ERC2: variants seen among roughly 807,000 people sequenced by gnomAD.
The protein encoded by ERC2 is ERC protein 2.
A neutral mutation model predicts 114.8 loss-of-function variants in ERC2; 42 were observed. That is an observed-to-expected ratio of 0.37 (90% CI 0.29 to 0.47). The LOEUF (loss-of-function observed/expected upper bound fraction) is 0.47. Ranked by LOEUF, ERC2 falls within the 20% of genes least tolerant of loss-of-function variation. ERC2 has a pLI of 0.99. For missense variants in ERC2, 939 were observed against 1,150.7 expected (o/e 0.82, Z 2.66); for synonymous variants, 454 against 425.5 (o/e 1.07, Z -0.82).
At chr3:55,979,122 C>A (rs912730177) in intron 12 of ERC2, among the ~76,000 whole-genome samples, 3 of 152,190 alleles carry the variant, frequency 2.0e-5, no homozygotes, top group Non-Finnish European at 4.4e-5. Flanking sequence ...TATCTGTGAG[C>A]AACATATCAT....
At chr3:55,800,268 C>A (rs745486057) in intron 14 of ERC2, among the ~76,000 whole-genome samples, 3 of 152,010 alleles carry the variant, frequency 2.0e-5, no homozygotes, top group South Asian at 4.2e-4. Context: ...AGCCTCCTAC[C>A]GAGTAGCTGG....
intron 7 of ERC2, among the ~76,000 whole-genome samples, chr3:56,050,343 T>A (rs1055865637): frequency 1.3e-5 from 2 of 152,128 alleles, no homozygotes; most frequent in African/African-American, 4.8e-5. Flanking sequence ...TGGGACGCCC[T>A]CCAGTTGGAT....
intron 3 of ERC2, among the ~76,000 whole-genome samples, chr3:56,229,965 A>G (rs888126746): frequency 7.1e-6 from 1 of 141,472 alleles, no homozygotes; most frequent in Non-Finnish European, 1.5e-5. Flanking sequence ...TTCTGGGGTC[A>G]AGCAATTCTC....
Position 56,318,099 on chromosome 3 carries a change from A to G in ERC2, c.658-21664T>C, listed in dbSNP as rs574607605. Among the ~76,000 whole-genome samples the G allele has an allele frequency of 3.3e-5, 5 of 152,308 alleles. 1 individual carries two copies. Among genetic ancestry groups the G allele is most frequent in the African/African-American group, 1.2e-4 (5 of 41,562 alleles). ...TGTTTAATAAATGTTTTTTGAGTGGATGATTTAAATATAAATGATCAGTAC... is the reference window on the plus strand; with the variant it reads ...TGTTTAATAAATGTTTTTTGAGTGGGTGATTTAAATATAAATGATCAGTAC... On this transcript the variant is annotated intron_variant, in intron 2 of 17. Coordinates refer to ENST00000288221, the MANE Select transcript of ERC2 (RefSeq NM_015576.3).
At chr3:56,388,143 C>A (rs1272166206) in intron 2 of ERC2, among the ~76,000 whole-genome samples, 14 of 152,248 alleles carry the variant, frequency 9.2e-5, no homozygotes, top group South Asian at 2.1e-4. Context: ...ACTGAGCATA[C>A]AATGGTGATA....
intron 14 of ERC2, among the ~76,000 whole-genome samples, chr3:55,794,632 G>A (rs553201005): frequency 3.9e-5 from 6 of 152,198 alleles, no homozygotes; most frequent in East Asian, 1.9e-4. Context: ...GAAAGCATAC[G>A]CATTTTGTCT....
At chr3:55,870,434 G>A (rs1359783807) in intron 14 of ERC2, among the ~76,000 whole-genome samples, 1 of 152,150 alleles carries the variant, frequency 6.6e-6, no homozygotes, top group East Asian at 1.9e-4. Context: ...TCAATGTTAA[G>A]TAGATTTATT....
intron 17 of ERC2, among the ~76,000 whole-genome samples, chr3:55,523,078 G>A (rs567585657): frequency 4.9e-4 from 74 of 152,230 alleles, no homozygotes; most frequent in Non-Finnish European, 7.2e-4. Context: ...GCTAGGAAAT[G>A]CCTTTGGGCA....
intron 14 of ERC2, among the ~76,000 whole-genome samples, chr3:55,835,729 T>C (rs1004529119): frequency 4.6e-5 from 7 of 152,038 alleles, no homozygotes; most frequent in East Asian, 1.9e-4. Flanking sequence ...TCCTATTCAG[T>C]ATAGTGTTGG....
At chr3:55,882,944 G>A (rs1250047837) in intron 14 of ERC2, among the ~76,000 whole-genome samples, 2 of 152,162 alleles carry the variant, frequency 1.3e-5, no homozygotes, top group Non-Finnish European at 2.9e-5. Context: ...CTTTCTAAGT[G>A]GGATTCCAAA....
chr3:55,577,869 T>C (rs572897694), intron 17 of ERC2, among the ~76,000 whole-genome samples: 2 of 152,296 alleles, frequency 1.3e-5, no homozygotes, highest in African/African-American at 4.8e-5. Context: ...TTGTCTAGAC[T>C]GCCACAGTAT....
chr3:56,455,896 A>G (rs543712971), intron 1 of ERC2, among the ~76,000 whole-genome samples: 1 of 152,342 alleles, frequency 6.6e-6, no homozygotes, highest in African/African-American at 2.4e-5. Context: ...ATCCAGCTCA[A>G]TCTTTTGCCT....
intron 14 of ERC2, among the ~76,000 whole-genome samples, chr3:55,886,108 A>G (rs1008686749): frequency 3.3e-5 from 5 of 152,214 alleles, no homozygotes; most frequent in African/African-American, 1.2e-4. Flanking sequence ...ACTAGGCTGG[A>G]CTTGACACAT....
At chr3:56,459,054 T>A (rs1418367924) in intron 1 of ERC2, among the ~76,000 whole-genome samples, 1 of 151,948 alleles carries the variant, frequency 6.6e-6, no homozygotes, top group Non-Finnish European at 1.5e-5. Flanking sequence ...CGCCCTAACC[T>A]CACATCTGGC....
chr3:56,426,197 T>C (rs2061564601), intron 2 of ERC2, among the ~76,000 whole-genome samples: 2 of 152,160 alleles, frequency 1.3e-5, no homozygotes, highest in Non-Finnish European at 2.9e-5. Flanking sequence ...AGACTTATAC[T>C]AGTGGAAAGA....
At chr3:56,378,250 G>A (rs1014664474) in intron 2 of ERC2, among the ~76,000 whole-genome samples, 1 of 149,824 alleles carries the variant, frequency 6.7e-6, no homozygotes, top group Non-Finnish European at 1.5e-5. Flanking sequence ...CATAAAAAAT[G>A]ATGAGTTCAT....
chr3:55,821,928 T>C (rs2060139900), intron 14 of ERC2, among the ~76,000 whole-genome samples: 1 of 152,224 alleles, frequency 6.6e-6, no homozygotes, highest in Non-Finnish European at 1.5e-5. Context: ...AGAGAGAATG[T>C]GTACATTCAG....
intron 14 of ERC2, among the ~76,000 whole-genome samples, chr3:55,877,013 T>C (rs1193452285): frequency 6.6e-6 from 1 of 152,132 alleles, no homozygotes; most frequent in Non-Finnish European, 1.5e-5. Flanking sequence ...CATGTGAAAA[T>C]AAGTCAAGTT....
intron 17 of ERC2, among the ~76,000 whole-genome samples, chr3:55,524,643 G>A (rs2053192628): frequency 3.9e-5 from 6 of 152,022 alleles, no homozygotes; most frequent in Admixed American, 3.9e-4. Context: ...ACAAGAAGGA[G>A]CAGTTGTCAT....
Sources: gnomAD v4.1 joint callset for allele counts (sites outside exome capture counted in the v4.1 genomes callset) on GRCh38, gnomAD v4.1.1 for gene constraint, MANE v1.5 for transcripts, NCBI Gene and HGNC (gene_info 2026-07-23, HGNC 2026-07-21) for gene names.